Variants in BIN1 observed in about 807,000 individuals in gnomAD.
BIN1 encodes myc box-dependent-interacting protein 1.
In BIN1, 53 loss-of-function variants were observed where a neutral mutation model predicts 82.0. The ratio of observed to expected loss-of-function variants is 0.65; its 90% confidence interval spans 0.52 to 0.81. The LOEUF (loss-of-function observed/expected upper bound fraction) is 0.81. Ranked by LOEUF, BIN1 falls within the 40% of genes least tolerant of loss-of-function variation. BIN1 has a pLI of 0.00. For synonymous variants in BIN1, 302 were observed against 328.0 expected, an observed-to-expected ratio of 0.92 and a Z score of 0.86; for missense variants, 642 against 784.4, an observed-to-expected ratio of 0.82 and a Z score of 2.17.
chr2:127,070,451 C>G, intron 4 of BIN1, 102 bp downstream of exon 4: 3 of 1,442,806 alleles, frequency 2.1e-6, no homozygotes, highest in Non-Finnish European at 2.9e-6. Context: ...CGCGAATGCC[C>G]GAGAACCAGA....
At chr2:127,096,756 C>A (rs1679654198) in intron 1 of BIN1, among the ~76,000 whole-genome samples, 1 of 152,188 alleles carries the variant, frequency 6.6e-6, no homozygotes, top group African/African-American at 2.4e-5. Context: ...GGCCAAAGAC[C>A]CTCAAGGGGT....
rs562898497 is a variant in BIN1 at position 127,090,989 on chromosome 2, A to C, written c.85-14283T>G. ...TCTTACACGTCTGTTCCTGTCTGAG[A>C]AGCTCAACCTATACATGCAACCAGG... On this transcript the variant is annotated intron_variant, in intron 1 of 18. Coordinates refer to ENST00000316724, the MANE Select transcript of BIN1 (RefSeq NM_139343.3). The surrounding 1 kb of genome is among the most constrained non-coding windows in gnomAD (Gnocchi z 6.4). Among the ~76,000 whole-genome samples the C allele has an allele frequency of 6.6e-6, 1 of 152,232 alleles. No individual in the cohort carries two copies. The highest frequency in any genetic ancestry group is 2.4e-5 in the African/African-American group (1 of 41,534).
Position 127,068,907 on chromosome 2 carries a change from C to A in BIN1, c.519+17G>T. 1.9e-6 allele frequency: 3 copies of A among 1,609,736 alleles called. No homozygotes were observed. The highest frequency in any genetic ancestry group is 2.6e-6 in the Non-Finnish European group (3 of 1,176,062). ...AGCCCCCTGCAGACGCTGCCCCGAC[C>A]CGCCTCCAGCCCTTACCTTGGCAAT... On this transcript the variant is annotated intron_variant, in intron 6 of 18. Transcript: ENST00000316724. The surrounding 1 kb of genome is among the most constrained non-coding windows in gnomAD (Gnocchi z 4.9).
intron 2 of BIN1, among the ~76,000 whole-genome samples, chr2:127,073,255 C>G (rs923338271): frequency 1.3e-5 from 2 of 152,238 alleles, no homozygotes; most frequent in East Asian, 1.9e-4. Flanking sequence ...GACGGAGGCC[C>G]CAGCCAGCTA....
chr2:127,070,175 G>A (rs1685696386), intron 4 of BIN1, 85 bp from the exon 5 acceptor site: 2 of 1,114,052 alleles, frequency 1.8e-6, no homozygotes, highest in African/African-American at 3.1e-5. Context: ...ACCAGCCCCA[G>A]CCCCATCTCT....
rs769295401 is a variant in BIN1 at position 127,059,195 on chromosome 2, G to A, written c.858-40C>T. 11 of 1,553,782 alleles carry A rather than the reference G, an allele frequency of 7.1e-6. No homozygotes were observed. The Admixed American group carries it at 1.2e-4, about 16-fold the overall frequency. On this transcript the variant is annotated intron_variant, in intron 10 of 18. Transcript: ENST00000316724. The surrounding 1 kb of genome is among the most constrained non-coding windows in gnomAD (Gnocchi z 6.7). The stretch of plus-strand genomic sequence containing the variant: ...AAGAAAGGGAGCCCAGTGTTGGGGG[G>A]CCAAGGCACAGGAGACGGAGGGGCA...
intron 7 of BIN1, chr2:127,064,859 C>A (rs746592040): frequency 6.6e-6 from 1 of 152,354 alleles, no homozygotes; most frequent in Non-Finnish European, 1.5e-5. Flanking sequence ...AGACCCTGCC[C>A]GGTGCCCAGC....
At position 127,068,211 on chromosome 2, in the gene BIN1, G is replaced by A; in HGVS notation, c.564C>T (p.Gly188=). The change falls in exon 7 of 19, where the codon GGC becomes GGT. Residue 188 remains glycine (G), a synonymous_variant. Coordinates refer to ENST00000316724, the MANE Select transcript of BIN1 (RefSeq NM_139343.3). This position sits in a 1 kb window ranked among gnomAD's most constrained non-coding sequence, Gnocchi z 4.9. ...GAGCTACGAGATGAGCCTGCAGTTTGCCTTGGCACCACTGGGGGGCGGCTT... is the reference window on the plus strand; with the variant it reads ...GAGCTACGAGATGAGCCTGCAGTTTACCTTGGCACCACTGGGGGGCGGCTT... ...LEKAAPQWCQ[G]KLQAHLVAQT... 1.2e-6 allele frequency: 2 copies of A among 1,613,846 alleles called. No homozygotes were observed. Among genetic ancestry groups the A allele is most frequent in the Non-Finnish European group, 1.7e-6 (2 of 1,179,978 alleles).
rs62157856 is a variant in BIN1 at position 127,076,793 on chromosome 2, C to T, written c.85-87G>A. 234,477 of 1,469,098 alleles carry T rather than the reference C, an allele frequency of 0.16. 19,890 individuals are homozygous for T. Among genetic ancestry groups the T allele is most frequent in the South Asian group, 0.24 (21,100 of 88,106 alleles). The allele number at this position is 1,469,098 out of a possible 1,614,324, so 91.0% of individuals were successfully genotyped here. ...AGTGCTCAGTCACCAACAGCACAGA[C>T]CAGGGGCTGGGAAGTCTCTAGCCAA... On this transcript the variant is annotated intron_variant, in intron 1 of 18. Coordinates refer to ENST00000316724, the MANE Select transcript of BIN1 (RefSeq NM_139343.3).
chr2:127,089,219 C>A (rs1266759573), intron 1 of BIN1, among the ~76,000 whole-genome samples: 1 of 152,180 alleles, frequency 6.6e-6, no homozygotes, highest in Non-Finnish European at 1.5e-5. Context: ...GAGCTTTAAC[C>A]ACTGCACATG....
At position 127,054,282 on chromosome 2, in the gene BIN1, C is replaced by T; in HGVS notation, c.1132-270G>A. 3 of 506,820 alleles carry T rather than the reference C, an allele frequency of 5.9e-6. No individual in the cohort carries two copies. The South Asian group carries it at 6.2e-5, about 10-fold the overall frequency. The allele number at this position is 506,820 out of a possible 1,614,324, so 31.4% of individuals were successfully genotyped here. ...AGGAGGACGACCCCAGTGCCCGCCTCAAACTCCCAGTCATAGGTCCGCCCG... is the reference window on the plus strand; with the variant it reads ...AGGAGGACGACCCCAGTGCCCGCCTTAAACTCCCAGTCATAGGTCCGCCCG... On this transcript the variant is annotated intron_variant, in intron 12 of 18. Coordinates refer to ENST00000316724, the MANE Select transcript of BIN1 (RefSeq NM_139343.3).
rs977415170 is a variant in BIN1 at position 127,100,649 on chromosome 2, A to G, written c.84+6211T>C. ...ATTATGTTTAAGTTAATATTTGACA[A>G]GGGCTTCCCTGTAGCAGGAAGAGCC... On this transcript the variant is annotated intron_variant, in intron 1 of 18. Transcript: ENST00000316724. 1.3e-5 allele frequency among the ~76,000 whole-genome samples: 2 copies of G among 152,336 alleles called. 1 individual carries two copies. Among genetic ancestry groups the G allele is most frequent in the Admixed American group, 1.3e-4 (2 of 15,298 alleles).
rs1030315185 is a variant in BIN1, at chr2:127,082,495, C to A, written c.85-5789G>T. 2.0e-5 allele frequency among the ~76,000 whole-genome samples: 3 copies of A among 152,062 alleles called. No individual in the cohort carries two copies. Among genetic ancestry groups the A allele is most frequent in the Admixed American group, 1.3e-4 (2 of 15,264 alleles). On this transcript the variant is annotated intron_variant, in intron 1 of 18. Transcript: ENST00000316724. This position sits in a 1 kb window ranked among gnomAD's most constrained non-coding sequence, Gnocchi z 6.1. ...GGGCAGGCCATGGTGGGCGCCCAGGCAGGGGAAGGGGTACAAGGCCCTCTG... is the reference window on the plus strand; with the variant it reads ...GGGCAGGCCATGGTGGGCGCCCAGGAAGGGGAAGGGGTACAAGGCCCTCTG...
At chr2:127,100,843 G>T (rs530300408) in intron 1 of BIN1, among the ~76,000 whole-genome samples, 1 of 152,206 alleles carries the variant, frequency 6.6e-6, no homozygotes, top group South Asian at 2.1e-4. Flanking sequence ...CTCCGCAGGA[G>T]CAGAACCTGG....
chr2:127,077,239 G>A (rs1686728758), intron 1 of BIN1, among the ~76,000 whole-genome samples: 1 of 152,104 alleles, frequency 6.6e-6, no homozygotes. Flanking sequence ...GGAGCTGCCG[G>A]GGGCCACGCA....
chr2:127,079,265 C>CA (rs1159989328), intron 1 of BIN1, among the ~76,000 whole-genome samples: 1 of 152,236 alleles, frequency 6.6e-6, no homozygotes, highest in East Asian at 1.9e-4. Flanking sequence ...GGAAAAGGGA[C>CA]AGCTACTCTC....
chr2:127,050,894 C>G lies in BIN1; in HGVS notation c.1480G>C (p.Val494Leu), dbSNP rs144459969. 4 of 1,613,986 alleles carry G rather than the reference C, an allele frequency of 2.5e-6. No individual in the cohort carries two copies. In the South Asian group the frequency reaches 4.4e-5, roughly 18 times the overall value. The part of the protein sequence containing the change: ...EAASSSLPAV[V>L]VETFPATVNG... ...ACAGTTGCTGGGAAGGTCTCCACCACGACAGCAGGAAGAGAGCTCTGGTGG... is the reference window on the plus strand; with the variant it reads ...ACAGTTGCTGGGAAGGTCTCCACCAGGACAGCAGGAAGAGAGCTCTGGTGG... Residue 494 changes from valine to leucine, a missense_variant, in exon 17 of 19, where the codon GTG (valine) becomes CTG (leucine). Coordinates refer to ENST00000316724, the MANE Select transcript of BIN1 (RefSeq NM_139343.3).
At chr2:127,103,091 A>G (rs1436541144) in intron 1 of BIN1, among the ~76,000 whole-genome samples, 4 of 152,226 alleles carry the variant, frequency 2.6e-5, no homozygotes, top group African/African-American at 9.6e-5. Flanking sequence ...CAAGGTGAGG[A>G]GACCAGGGCC....
At chr2:127,053,315 T>C (rs1683206365) in intron 14 of BIN1, 107 bp downstream of exon 14, 1 of 1,468,388 alleles carries the variant, frequency 6.8e-7, no homozygotes, top group East Asian at 2.4e-5. Flanking sequence ...GTGTGGGGGG[T>C]GTGTGGGGTG....
Sources: gnomAD v4.1 joint callset for allele counts (sites outside exome capture counted in the v4.1 genomes callset) on GRCh38, gnomAD v4.1.1 for gene constraint, Gnocchi (gnomAD v3.1) non-coding constraint, MANE v1.5 for transcripts, NCBI Gene and HGNC (gene_info 2026-07-23, HGNC 2026-07-21) for gene names.